Variants in PACRG observed in about 807,000 individuals in gnomAD.
PACRG encodes the protein parkin coregulated.
A neutral mutation model predicts 29.7 loss-of-function variants in PACRG; 29 were observed. The ratio of observed to expected loss-of-function variants is 0.98; its 90% confidence interval spans 0.73 to 1.33. The LOEUF (loss-of-function observed/expected upper bound fraction) is 1.33, where lower values mean the gene tolerates loss of function less well. Among genes scored for constraint, PACRG ranks in the 40% most tolerant of loss-of-function variants. PACRG has a pLI of 0.00. For synonymous variants in PACRG, 116 were observed against 118.7 expected, an observed-to-expected ratio of 0.98 and a Z score of 0.15; for missense variants, 279 against 316.2, an observed-to-expected ratio of 0.88 and a Z score of 0.89.
At chr6:162,954,033 T>G (rs2128135115) in intron 2 of PACRG, among the ~76,000 whole-genome samples, 1 of 152,358 alleles carries the variant, frequency 6.6e-6, no homozygotes, top group Middle Eastern at 3.4e-3. Flanking sequence ...CACATAGTTT[T>G]TATTTGCTAA....
chr6:163,037,815 C>T (rs1445632513), intron 2 of PACRG, among the ~76,000 whole-genome samples: 1 of 152,214 alleles, frequency 6.6e-6, no homozygotes, highest in African/African-American at 2.4e-5. Context: ...TCTCCACTCA[C>T]CCTGTCTCTC....
chr6:162,894,088 C>G (rs1307982508), intron 2 of PACRG, among the ~76,000 whole-genome samples: 1 of 152,174 alleles, frequency 6.6e-6, no homozygotes, highest in African/African-American at 2.4e-5. Flanking sequence ...CTTGGCCTTG[C>G]ACAAATGCTG....
chr6:162,871,841 C>T (rs1792840226), intron 2 of PACRG, among the ~76,000 whole-genome samples: 1 of 151,820 alleles, frequency 6.6e-6, no homozygotes, highest in Non-Finnish European at 1.5e-5. Context: ...TGGCGTGAAC[C>T]TGGGAGGCGG....
At chr6:163,071,657 A>T (rs1310328843) in intron 3 of PACRG, among the ~76,000 whole-genome samples, 1 of 151,270 alleles carries the variant, frequency 6.6e-6, no homozygotes, top group East Asian at 2.0e-4. Flanking sequence ...CCAAACCCAA[A>T]ATTAGTAGGA....
intron 2 of PACRG, among the ~76,000 whole-genome samples, chr6:162,947,361 T>TC (rs369728400): frequency 1.1e-3 from 4 of 3,726 alleles, no homozygotes; most frequent in Non-Finnish European, 2.6e-3. Context: ...ATATATATAA[T>TC]GTAATCATAT....
chr6:163,100,588 C>T (rs1224233351), intron 4 of PACRG, among the ~76,000 whole-genome samples: 1 of 152,210 alleles, frequency 6.6e-6, no homozygotes, highest in Non-Finnish European at 1.5e-5. Context: ...GTGGCCCCCA[C>T]ACCTGCCTGG....
chr6:163,150,372 C>G (rs907210161), intron 4 of PACRG, among the ~76,000 whole-genome samples: 1 of 152,216 alleles, frequency 6.6e-6, no homozygotes, highest in Non-Finnish European at 1.5e-5. Flanking sequence ...CGCCCACTGG[C>G]TGGCTCTAAT....
At chr6:163,240,075 C>T (rs1416105779) in intron 4 of PACRG, among the ~76,000 whole-genome samples, 1 of 137,456 alleles carries the variant, frequency 7.3e-6, no homozygotes, top group African/African-American at 2.7e-5. Context: ...CACACCTCCA[C>T]CCCCCCACAC....
At chr6:163,139,611 C>G (rs963608381) in intron 4 of PACRG, among the ~76,000 whole-genome samples, 1 of 152,140 alleles carries the variant, frequency 6.6e-6, no homozygotes, top group Admixed American at 6.5e-5. Flanking sequence ...TAATCAATAA[C>G]TATTTGTTTT....
At chr6:163,280,781 A>G (rs117667991) in intron 4 of PACRG, among the ~76,000 whole-genome samples, 465 of 152,238 alleles carry the variant, frequency 3.1e-3, no homozygotes, top group Non-Finnish European at 5.0e-3. Context: ...TTATAAGAAC[A>G]TGAATCCTAT....
chr6:162,820,879 C>T (rs1352782556), intron 2 of PACRG, among the ~76,000 whole-genome samples: 4 of 151,946 alleles, frequency 2.6e-5, no homozygotes, highest in African/African-American at 4.8e-5. Context: ...TGACAATTTA[C>T]CTGATTTTTG....
chr6:163,309,372 T>C (rs1482532471), intron 4 of PACRG, among the ~76,000 whole-genome samples: 1 of 152,268 alleles, frequency 6.6e-6, no homozygotes, highest in Non-Finnish European at 1.5e-5. Context: ...CAATGTCTCA[T>C]GCTCTCTGCG....
intron 4 of PACRG, among the ~76,000 whole-genome samples, chr6:163,099,183 AC>A (rs1814863525): frequency 6.6e-6 from 1 of 152,148 alleles, no homozygotes; most frequent in South Asian, 2.1e-4. Context: ...CCTCTGAGGT[AC>A]CCCAACAGGG....
intron 2 of PACRG, among the ~76,000 whole-genome samples, chr6:162,969,294 C>A (rs1008321800): frequency 1.3e-5 from 2 of 152,048 alleles, no homozygotes; most frequent in Non-Finnish European, 2.9e-5. Context: ...CCTCATCCTC[C>A]CGTTTCAAGG....
At chr6:163,004,272 T>A (rs1429415968) in intron 2 of PACRG, among the ~76,000 whole-genome samples, 3 of 150,660 alleles carry the variant, frequency 2.0e-5, no homozygotes, top group African/African-American at 7.3e-5. Flanking sequence ...TATCATTATA[T>A]ATAAAGTATA....
intron 1 of PACRG, among the ~76,000 whole-genome samples, chr6:162,754,581 T>C (rs1278616943): frequency 6.6e-6 from 1 of 152,190 alleles, no homozygotes; most frequent in African/African-American, 2.4e-5. Flanking sequence ...TGTTTTCTTC[T>C]AGTTGTCTTA....
intron 3 of PACRG, among the ~76,000 whole-genome samples, chr6:163,082,458 TG>T (rs1384781838): frequency 6.6e-6 from 1 of 152,206 alleles, no homozygotes; most frequent in African/African-American, 2.4e-5. Context: ...GATTGAATTC[TG>T]ATCTATTAAA....
chr6:163,061,493 G>A (rs1000849979), intron 2 of PACRG, among the ~76,000 whole-genome samples: 6 of 152,166 alleles, frequency 3.9e-5, no homozygotes, highest in Admixed American at 2.0e-4. Flanking sequence ...ATTTGTCTCC[G>A]CTCCCAGAAG....
chr6:163,207,402 G>A (rs1780950564), intron 4 of PACRG, among the ~76,000 whole-genome samples: 1 of 152,148 alleles, frequency 6.6e-6, no homozygotes, highest in South Asian at 2.1e-4. Flanking sequence ...AAGGTATAAG[G>A]CCTAAAATTT....
Sources: gnomAD v4.1 joint callset for allele counts (sites outside exome capture counted in the v4.1 genomes callset) on GRCh38, gnomAD v4.1.1 for gene constraint, MANE v1.5 for transcripts, NCBI Gene and HGNC (gene_info 2026-07-23, HGNC 2026-07-21) for gene names.